The following CDK19 variants were observed in gnomAD, a reference collection of about 807,000 sequenced individuals.
CDK19 encodes the protein cyclin-dependent kinase 19.
Under a neutral mutation model 68.3 loss-of-function variants are expected in CDK19, and 20 were observed. That is an observed-to-expected ratio of 0.29 (90% confidence interval 0.21 to 0.43). The LOEUF (loss-of-function observed/expected upper bound fraction) is 0.43, where lower values mean the gene tolerates loss of function less well. Among genes scored for constraint, CDK19 ranks in the 20% least tolerant of loss-of-function variants. CDK19 has a pLI of 1.00. For missense variants in CDK19, 339 were observed against 623.5 expected, an observed-to-expected ratio of 0.54 and a Z score of 4.86; for synonymous variants, 221 against 222.8, an observed-to-expected ratio of 0.99 and a Z score of 0.07.
intron 2 of CDK19, among the ~76,000 whole-genome samples, chr6:110,698,818 C>T (rs1480845142): frequency 1.3e-5 from 2 of 152,100 alleles, no homozygotes; most frequent in Non-Finnish European, 2.9e-5. Flanking sequence ...GTGGCTCACA[C>T]CTGAAATCCC....
chr6:110,642,528 T>C (rs992363750), intron 4 of CDK19, among the ~76,000 whole-genome samples: 1 of 152,062 alleles, frequency 6.6e-6, no homozygotes, highest in Non-Finnish European at 1.5e-5. Context: ...TAAATAAGTA[T>C]ACAACATATC....
chr6:110,633,979 CAA>C (rs1779601430), intron 5 of CDK19, among the ~76,000 whole-genome samples: 1 of 152,138 alleles, frequency 6.6e-6, no homozygotes, highest in Non-Finnish European at 1.5e-5. Context: ...GTCACAAAGG[CAA>C]AGTCACAAGA....
intron 2 of CDK19, among the ~76,000 whole-genome samples, chr6:110,745,602 G>A (rs967056071): frequency 6.6e-6 from 1 of 151,996 alleles, no homozygotes; most frequent in Non-Finnish European, 1.5e-5. Flanking sequence ...AAATCATTTT[G>A]TTCAGTATTT....
At chr6:110,779,242 C>G (rs1780625828) in intron 1 of CDK19, among the ~76,000 whole-genome samples, 1 of 152,138 alleles carries the variant, frequency 6.6e-6, no homozygotes, top group Non-Finnish European at 1.5e-5. Context: ...ACCACCCTGC[C>G]TTTGCACAGG....
chr6:110,662,254 G>T (rs1436569165), intron 4 of CDK19, among the ~76,000 whole-genome samples: 3 of 152,138 alleles, frequency 2.0e-5, no homozygotes, highest in Non-Finnish European at 4.4e-5. Flanking sequence ...ACATGCATGA[G>T]CCACCACACC....
At chr6:110,741,325 G>A (rs551149375) in intron 2 of CDK19, among the ~76,000 whole-genome samples, 10 of 151,968 alleles carry the variant, frequency 6.6e-5, no homozygotes, top group Admixed American at 3.9e-4. Context: ...AGCTGAGCAT[G>A]GTGGTGCATA....
rs535169318 is a variant in CDK19, at chr6:110,749,563, T to C, written c.129-3362A>G. Among the ~76,000 whole-genome samples the C allele has an allele frequency of 3.9e-5, 6 of 152,200 alleles. No individual in the cohort carries two copies. The South Asian group carries it at 8.3e-4, about 21-fold the overall frequency. On this transcript the variant is annotated intron_variant, in intron 1 of 12. Coordinates refer to ENST00000368911, the MANE Select transcript of CDK19 (RefSeq NM_015076.5). ...TTTGTAAAGATGGGGTTTCGCCATA[T>C]TGGCCAGGCTGGTCTCGAACTCCTG... is the stretch of plus-strand genomic sequence containing the variant.
chr6:110,645,022 A>G (rs978577210), intron 4 of CDK19, among the ~76,000 whole-genome samples: 4 of 152,192 alleles, frequency 2.6e-5, no homozygotes, highest in African/African-American at 9.7e-5. Context: ...GCCAATGATA[A>G]CATACTTTCC....
At position 110,647,466 on chromosome 6, in the gene CDK19, A is replaced by C. The variant is rs559515723; in HGVS notation, c.457-8760T>G. Among the ~76,000 whole-genome samples the C allele has an allele frequency of 3.0e-3, 450 of 152,334 alleles. 2 individuals carry two copies. Among genetic ancestry groups the C allele is most frequent in the African/African-American group, 0.01 (436 of 41,572 alleles). On this transcript the variant is annotated intron_variant, in intron 4 of 12. Transcript: ENST00000368911. Reference sequence around the variant, plus strand: ...TGAAGCCTTTGGGACGACTGGAGCAAGAAGAGAGAAAGTGCAAATAAACTA... The same window carrying C: ...TGAAGCCTTTGGGACGACTGGAGCACGAAGAGAGAAAGTGCAAATAAACTA...
chr6:110,729,503 A>G lies in CDK19; in HGVS notation c.204+16623T>C, dbSNP rs1369666923. ...TAGTGCAGTGGCACAATCTCAGTTC[A>G]GTGCAACCTCTGCCTCCTGGGTTCA... On this transcript the variant is annotated intron_variant, in intron 2 of 12. Transcript: ENST00000368911. Among the ~76,000 whole-genome samples the G allele has an allele frequency of 2.6e-5, 4 of 152,252 alleles. No homozygotes were observed. In the East Asian group the frequency reaches 7.7e-4, roughly 29 times the overall value.
intron 4 of CDK19, among the ~76,000 whole-genome samples, chr6:110,649,692 C>T (rs934887330): frequency 5.9e-5 from 9 of 151,958 alleles, no homozygotes; most frequent in East Asian, 1.9e-4. Context: ...AATGTCTGAA[C>T]GGGCATTTAA....
intron 2 of CDK19, among the ~76,000 whole-genome samples, chr6:110,671,130 A>C (rs191142259): frequency 6.6e-6 from 1 of 152,222 alleles, no homozygotes; most frequent in Non-Finnish European, 1.5e-5. Context: ...CCACTTATAA[A>C]AACTGAAGTT....
chr6:110,694,108 A>T (rs1008317419), intron 2 of CDK19, among the ~76,000 whole-genome samples: 3 of 151,822 alleles, frequency 2.0e-5, no homozygotes, highest in African/African-American at 7.3e-5. Flanking sequence ...TTCAGGCAAC[A>T]ACTAGCATGA....
At chr6:110,791,323 G>T (rs975925784) in intron 1 of CDK19, among the ~76,000 whole-genome samples, 1 of 151,894 alleles carries the variant, frequency 6.6e-6, no homozygotes, top group East Asian at 1.9e-4. Context: ...AGGAAAGAAG[G>T]TCAGAAAGCA....
chr6:110,722,069 A>G (rs983100662), intron 2 of CDK19, among the ~76,000 whole-genome samples: 11 of 152,180 alleles, frequency 7.2e-5, no homozygotes, highest in African/African-American at 2.4e-4. Flanking sequence ...TTAGATTTAA[A>G]CTAGAACCTG....
intron 2 of CDK19, among the ~76,000 whole-genome samples, chr6:110,675,352 G>C (rs9372261): frequency 6.6e-6 from 1 of 152,046 alleles, no homozygotes; most frequent in Non-Finnish European, 1.5e-5. Context: ...AAATGGCCGG[G>C]TACAGTGGCT....
chr6:110,790,433 G>A (rs1781508884), intron 1 of CDK19, among the ~76,000 whole-genome samples: 1 of 152,162 alleles, frequency 6.6e-6, no homozygotes, highest in Non-Finnish European at 1.5e-5. Context: ...TACTGGGGAG[G>A]CTGAAGCATG....
chr6:110,624,670 T>C (rs1362776482), intron 8 of CDK19, among the ~76,000 whole-genome samples: 2 of 152,238 alleles, frequency 1.3e-5, no homozygotes, highest in Non-Finnish European at 2.9e-5. Flanking sequence ...TCCATAAACA[T>C]TTTCTTTTGT....
At chr6:110,684,359 G>A (rs1057125321) in intron 2 of CDK19, among the ~76,000 whole-genome samples, 1 of 140,344 alleles carries the variant, frequency 7.1e-6, no homozygotes, top group African/African-American at 2.7e-5. Flanking sequence ...CAGTCCCTTG[G>A]GATTTCGATA....
Sources: gnomAD v4.1 joint callset for allele counts (sites outside exome capture counted in the v4.1 genomes callset) on GRCh38, gnomAD v4.1.1 for gene constraint, MANE v1.5 for transcripts, NCBI Gene and HGNC (gene_info 2026-07-23, HGNC 2026-07-21) for gene names.